Variants in MAGEC3 observed in about 807,000 individuals in gnomAD.
MAGEC3 encodes the protein MAGE family member C3, also known as melanoma-associated antigen C3.
Under a neutral mutation model 35.3 loss-of-function variants are expected in MAGEC3, and 34 were observed. That is an observed-to-expected ratio of 0.96 (90% confidence interval 0.73 to 1.28). MAGEC3 has a LOEUF of 1.28. MAGEC3 is among the 50% of genes most tolerant of loss of function. The probability of loss-of-function intolerance (pLI) is 0.00; values close to 1 mark genes in which losing one functional copy is unlikely to be tolerated. For missense variants in MAGEC3, 561 were observed against 483.6 expected, an observed-to-expected ratio of 1.16 and a Z score of -1.50; for synonymous variants, 202 against 185.6, an observed-to-expected ratio of 1.09 and a Z score of -0.72.
chrX:141,891,401 T>C (rs192053723), intron 4 of MAGEC3, among the ~76,000 whole-genome samples: 3 of 111,366 alleles, frequency 2.7e-5, no homozygotes, highest in African/African-American at 9.8e-5. Context: ...ATGTTTTCAT[T>C]CCATTAGCTC....
chrX:141,845,957 G>A (rs1022356740), intron 1 of MAGEC3, among the ~76,000 whole-genome samples: 2 of 110,775 alleles, frequency 1.8e-5, no homozygotes, highest in African/African-American at 6.5e-5. Context: ...GTGAAAGTAA[G>A]TTAAATAATA....
At chrX:141,880,775 C>T in intron 3 of MAGEC3, 5 of 959,045 alleles carry the variant, frequency 5.2e-6, no homozygotes, top group Non-Finnish European at 7.3e-6. Context: ...GGGGACAAAC[C>T]CCCTAGGATG....
intron 4 of MAGEC3, among the ~76,000 whole-genome samples, chrX:141,886,835 AG>A (rs1487874072): frequency 9.0e-6 from 1 of 111,661 alleles, no homozygotes; most frequent in Non-Finnish European, 1.9e-5. Flanking sequence ...AAGATATTAG[AG>A]CTGCCTCTAC....
At chrX:141,856,157 A>G (rs1449709775) in intron 1 of MAGEC3, among the ~76,000 whole-genome samples, 1 of 111,647 alleles carries the variant, frequency 9.0e-6, no homozygotes, top group East Asian at 2.8e-4. Context: ...TTGGTTTTTC[A>G]TAACTTAGAA....
chrX:141,897,675 T>C lies in MAGEC3; in HGVS notation c.1775T>C (p.Leu592Pro), dbSNP rs749976014. Residue 592 changes from leucine to proline, a missense_variant, in exon 8 of 8, where the codon CTA (leucine) becomes CCA (proline). Leu to Pro is a moderately conservative substitution (Grantham distance 98). Coordinates refer to ENST00000298296, the MANE Select transcript of MAGEC3 (RefSeq NM_138702.1). ...AREVLEFLSK[L>P]SSIIPSAFPS... ...GAAGTCTTAGAGTTTTTATCCAAGCTATCCAGTATCATCCCTAGTGCCTTT... is the reference window on the plus strand; with the variant it reads ...GAAGTCTTAGAGTTTTTATCCAAGCCATCCAGTATCATCCCTAGTGCCTTT... 8.3e-7 allele frequency: 1 copy of C among 1,211,263 alleles called. No individual in the cohort carries two copies. Among genetic ancestry groups the C allele is most frequent in the East Asian group, 3.0e-5 (1 of 33,835 alleles).
At chrX:141,893,712 AT>A (rs1265695132) in intron 4 of MAGEC3, among the ~76,000 whole-genome samples, 19 of 65,666 alleles carry the variant, frequency 2.9e-4, no homozygotes, top group East Asian at 1.6e-3. Context: ...GAGGGCAGGA[AT>A]TGGGGGGGGG....
intron 1 of MAGEC3, among the ~76,000 whole-genome samples, chrX:141,863,034 T>C (rs1051082151): frequency 1.8e-5 from 2 of 111,882 alleles, no homozygotes; most frequent in East Asian, 2.8e-4. Flanking sequence ...TCTATACATG[T>C]AACCAGATTT....
chrX:141,878,954 C>T (rs751921882), intron 2 of MAGEC3, among the ~76,000 whole-genome samples: 1 of 112,377 alleles, frequency 8.9e-6, no homozygotes, highest in Non-Finnish European at 1.9e-5. Flanking sequence ...TGCCTTGGGC[C>T]TGGGAGGCCC....
In MAGEC3 at chrX:141,897,198, A is replaced by T; in HGVS notation, c.1440A>T (p.Ala480=). 3 of 1,212,222 alleles carry T rather than the reference A, an allele frequency of 2.5e-6. No homozygotes were observed. Among genetic ancestry groups the T allele is most frequent in the Non-Finnish European group, 3.3e-6 (3 of 895,562 alleles). The change falls in exon 7 of 8, where the codon GCA becomes GCT. Residue 480 remains alanine, a synonymous_variant. Coordinates refer to ENST00000298296, the MANE Select transcript of MAGEC3 (RefSeq NM_138702.1). ...AAACAAAAGAGCCTGTCACAAAGGCAGAGATGCTGACGACTGTCATCAAGA... is the reference window on the plus strand; with the variant it reads ...AAACAAAAGAGCCTGTCACAAAGGCTGAGATGCTGACGACTGTCATCAAGA... The part of the protein sequence containing the change: ...KYQTKEPVTK[A]EMLTTVIKKY...
rs748453522 is a variant in MAGEC3 at position 141,880,853 on chromosome X, G to A, written c.516-550G>A. 2.2e-5 allele frequency: 25 copies of A among 1,130,989 alleles called. No individual in the cohort carries two copies. In the East Asian group the frequency reaches 8.9e-4, roughly 40 times the overall value. The allele number at this position is 1,130,989 out of a possible 1,213,427, so 93.2% of individuals were successfully genotyped here. On this transcript the variant is annotated intron_variant, in intron 3 of 7. Transcript: ENST00000298296. Reference sequence around the variant, plus strand: ...AAGAGCTGTAAGCCGGCCTTTGTCAGAACCACCATGGGTGAGTTTCTCAGC... The same window carrying A: ...AAGAGCTGTAAGCCGGCCTTTGTCAAAACCACCATGGGTGAGTTTCTCAGC...
intron 1 of MAGEC3, among the ~76,000 whole-genome samples, chrX:141,859,046 C>G (rs201491652): frequency 9.5e-6 from 1 of 104,890 alleles, no homozygotes; most frequent in East Asian, 2.9e-4. Flanking sequence ...ATGACTAACC[C>G]CAAATGAATG....
chrX:141,896,767 G>A, intron 6 of MAGEC3, 115 bp from the exon 7 acceptor site: 1 of 1,206,051 alleles, frequency 8.3e-7, no homozygotes, highest in Non-Finnish European at 1.1e-6. Context: ...GGAGGAGGAT[G>A]CCTCCTCCAC....
intron 1 of MAGEC3, among the ~76,000 whole-genome samples, chrX:141,854,730 CT>C (rs2017770320): frequency 9.0e-6 from 1 of 111,256 alleles, no homozygotes. Context: ...TTGAGTATGT[CT>C]TTATCAGCAG....
chrX:141,881,531 T>C lies in MAGEC3; in HGVS notation c.644T>C (p.Ile215Thr). 2 of 1,211,589 alleles carry C rather than the reference T, an allele frequency of 1.7e-6. No individual in the cohort carries two copies. Among genetic ancestry groups the C allele is most frequent in the Non-Finnish European group, 2.2e-6 (2 of 895,436 alleles). ...LTRAEMQMNV[I>T]NTYTGYFPMI... The stretch of plus-strand genomic sequence containing the variant: ...AGAGCAGAGATGCAGATGAATGTCA[T>C]CAACACATACACGGGCTACTTTCCT... The change falls in exon 4 of 8, where the codon ATC (isoleucine) becomes ACC (threonine). Residue 215 changes from isoleucine (I) to threonine (T), a missense_variant. Physicochemically the swap from Ile to Thr is moderately conservative, Grantham distance 89 (BLOSUM62 -1). Transcript: ENST00000298296.
At chrX:141,895,441 C>A (rs377223341) in intron 5 of MAGEC3, 34 bp downstream of exon 5, 2 of 1,208,298 alleles carry the variant, frequency 1.7e-6, no homozygotes, top group African/African-American at 1.8e-5. Flanking sequence ...AGGGACTTCG[C>A]ACCAAGGACA....
In MAGEC3 at chrX:141,865,060, C is replaced by T. The variant is rs766255577; in HGVS notation, c.124-411C>T. Among the ~76,000 whole-genome samples the T allele has an allele frequency of 1.2e-3, 132 of 111,422 alleles. 1 individual carries two copies. The highest frequency in any genetic ancestry group is 4.1e-3 in the African/African-American group (125 of 30,701). On this transcript the variant is annotated intron_variant, in intron 1 of 7. Coordinates refer to ENST00000298296, the MANE Select transcript of MAGEC3 (RefSeq NM_138702.1). The stretch of plus-strand genomic sequence containing the variant: ...AAAAGTGTCTATTGGTGTATTTTGC[C>T]CATTTTGAAAATGTTTTCTAATTTT...
At chrX:141,889,286 C>T (rs761431172) in intron 4 of MAGEC3, among the ~76,000 whole-genome samples, 1 of 111,516 alleles carries the variant, frequency 9.0e-6, no homozygotes, top group Non-Finnish European at 1.9e-5. Flanking sequence ...ATTGTTTCTC[C>T]CATAGTCAGG....
At chrX:141,847,919 A>G (rs1328321481) in intron 1 of MAGEC3, among the ~76,000 whole-genome samples, 1 of 111,097 alleles carries the variant, frequency 9.0e-6, no homozygotes, top group Non-Finnish European at 1.9e-5. Flanking sequence ...ATGCAGCTAA[A>G]TGTTGATTCT....
At chrX:141,860,805 G>A (rs188152935) in intron 1 of MAGEC3, among the ~76,000 whole-genome samples, 1 of 111,547 alleles carries the variant, frequency 9.0e-6, no homozygotes, top group African/African-American at 3.2e-5. Context: ...GTGGTGGTGG[G>A]GAATGTGGAG....
Sources: gnomAD v4.1 joint callset for allele counts (sites outside exome capture counted in the v4.1 genomes callset) on GRCh38, gnomAD v4.1.1 for gene constraint, MANE v1.5 for transcripts, NCBI Gene and HGNC (gene_info 2026-07-23, HGNC 2026-07-21) for gene names.